FAM168A: variants seen among roughly 807,000 people sequenced by gnomAD.
The protein encoded by FAM168A is protein FAM168A.
FAM168A carries 3 observed loss-of-function variants against 28.5 expected under a neutral mutation model. The observed-to-expected ratio is 0.11, with a 90% CI of 0.05 to 0.27. The LOEUF (loss-of-function observed/expected upper bound fraction) is 0.27, where lower values mean the gene tolerates loss of function less well. Ranked by LOEUF, FAM168A falls within the 10% of genes least tolerant of loss-of-function variation. The pLI is 1.00. For synonymous variants in FAM168A, 122 were observed against 124.2 expected (o/e 0.98, Z 0.12); for missense variants, 222 against 311.5 (o/e 0.71, Z 2.16).
chr11:73,425,896 T>A lies in FAM168A; in HGVS notation c.151+4794A>T, dbSNP rs148680109. ...ACTTTGGGCAACTTATTTAACCTGTTTGAACAAAGTTGGAGGCAAGAAGCC... is the reference window on the plus strand; with the variant it reads ...ACTTTGGGCAACTTATTTAACCTGTATGAACAAAGTTGGAGGCAAGAAGCC... On this transcript the variant is annotated intron_variant, in intron 3 of 7. Coordinates refer to ENST00000356467, the MANE Select transcript of FAM168A (RefSeq NM_015159.3). 6.9e-3 allele frequency among the ~76,000 whole-genome samples: 1,054 copies of A among 152,340 alleles called. 11 individuals are homozygous for A. The highest frequency in any genetic ancestry group is 0.022 in the African/African-American group (922 of 41,578).
At chr11:73,433,076 CTTTTTTTTTTTTTT>C (rs34994742) in intron 2 of FAM168A, among the ~76,000 whole-genome samples, 2 of 80,592 alleles carry the variant, frequency 2.5e-5, no homozygotes, top group East Asian at 2.7e-4. Context: ...CACGCCCCGC[CTTTTTTTTTTTTTT>C]TTTTTTTTTT....
chr11:73,583,720 G>C (rs150662807), intron 1 of FAM168A, among the ~76,000 whole-genome samples: 1 of 152,310 alleles, frequency 6.6e-6, no homozygotes, highest in Non-Finnish European at 1.5e-5. Flanking sequence ...TGAGAAAAGA[G>C]GCACTGCACA....
chr11:73,424,909 G>T, intron 3 of FAM168A: 1 of 841,740 alleles, frequency 1.2e-6, no homozygotes, highest in Non-Finnish European at 1.8e-6. Flanking sequence ...CACCTGGGGG[G>T]AGCCCAAGCC....
chr11:73,553,579 T>C (rs1019008964), intron 1 of FAM168A, among the ~76,000 whole-genome samples: 1 of 152,220 alleles, frequency 6.6e-6, no homozygotes, highest in African/African-American at 2.4e-5. Context: ...GTAAAGAGCA[T>C]GACTACTCAC....
chr11:73,574,564 G>A (rs768820473), intron 1 of FAM168A, among the ~76,000 whole-genome samples: 3 of 151,890 alleles, frequency 2.0e-5, no homozygotes, highest in Non-Finnish European at 4.4e-5. Flanking sequence ...ACTTGAAGTT[G>A]GCCATCTTTT....
At chr11:73,492,846 C>G (rs1854779453) in intron 1 of FAM168A, among the ~76,000 whole-genome samples, 1 of 152,050 alleles carries the variant, frequency 6.6e-6, no homozygotes, top group South Asian at 2.1e-4. Flanking sequence ...TAAAAAGGAA[C>G]AAAATCCTGT....
chr11:73,544,874 T>G (rs1943712843), intron 1 of FAM168A, among the ~76,000 whole-genome samples: 1 of 96,368 alleles, frequency 1.0e-5, no homozygotes, highest in African/African-American at 4.7e-5. Context: ...TATAATTATA[T>G]ATATTATATA....
chr11:73,504,686 A>G (rs539641050), intron 1 of FAM168A, among the ~76,000 whole-genome samples: 1 of 152,320 alleles, frequency 6.6e-6, no homozygotes, highest in East Asian at 1.9e-4. Context: ...TCATTCTACT[A>G]TAAAGACACA....
At chr11:73,553,172 T>C (rs1468183784) in intron 1 of FAM168A, among the ~76,000 whole-genome samples, 5 of 152,272 alleles carry the variant, frequency 3.3e-5, no homozygotes, top group Admixed American at 6.5e-5. Context: ...GTCAGCCAGG[T>C]AGAGCAGGAA....
chr11:73,416,224 A>G (rs1168572976), intron 4 of FAM168A, among the ~76,000 whole-genome samples: 1 of 152,244 alleles, frequency 6.6e-6, no homozygotes, highest in Non-Finnish European at 1.5e-5. Flanking sequence ...TTTAGAATCA[A>G]ATGGGATAAT....
chr11:73,422,235 C>T (rs766784717), intron 3 of FAM168A, among the ~76,000 whole-genome samples: 16 of 152,128 alleles, frequency 1.1e-4, no homozygotes, highest in Non-Finnish European at 1.5e-4. Context: ...GAAGCAAGTG[C>T]GACTGTGCCT....
intron 1 of FAM168A, among the ~76,000 whole-genome samples, chr11:73,570,792 C>A (rs1399714843): frequency 6.6e-6 from 1 of 150,500 alleles, no homozygotes; most frequent in African/African-American, 2.4e-5. Context: ...CATAAAAATA[C>A]CTTACAAAGA....
chr11:73,469,685 T>C (rs1312710992), intron 1 of FAM168A, among the ~76,000 whole-genome samples: 1 of 152,156 alleles, frequency 6.6e-6, no homozygotes, highest in East Asian at 1.9e-4. Context: ...GGCAACGAGC[T>C]AGATAAAATT....
At chr11:73,549,159 C>T (rs1943795712) in intron 1 of FAM168A, among the ~76,000 whole-genome samples, 1 of 152,104 alleles carries the variant, frequency 6.6e-6, no homozygotes, top group Admixed American at 6.5e-5. Context: ...CCAAAGTGGT[C>T]TCGAACTCCT....
At position 73,473,663 on chromosome 11, in the gene FAM168A, G is replaced by A. The variant is rs1196039051; in HGVS notation, c.-18-5171C>T. Among the ~76,000 whole-genome samples the A allele has an allele frequency of 4.6e-5, 7 of 152,162 alleles. No homozygotes were observed. In the East Asian group the frequency reaches 1.4e-3, roughly 29 times the overall value. ...TGCACTTGCTTTTTCCCCACACCTA[G>A]AATGCCCTTTTCCCCAGATATCCAA... On this transcript the variant is annotated intron_variant, in intron 1 of 7. Transcript: ENST00000356467.
chr11:73,448,597 T>C (rs938582112), intron 2 of FAM168A, among the ~76,000 whole-genome samples: 1 of 152,226 alleles, frequency 6.6e-6, no homozygotes, highest in Non-Finnish European at 1.5e-5. Context: ...CTTTCCCAGC[T>C]TTCCTAGCAC....
chr11:73,524,028 A>G (rs1034587324), intron 1 of FAM168A, among the ~76,000 whole-genome samples: 1 of 151,552 alleles, frequency 6.6e-6, no homozygotes, highest in African/African-American at 2.4e-5. Context: ...CCCGGCCCCT[A>G]CTCTCATAAT....
At chr11:73,585,705 C>G (rs1321587397) in intron 1 of FAM168A, among the ~76,000 whole-genome samples, 1 of 151,454 alleles carries the variant, frequency 6.6e-6, no homozygotes, top group Non-Finnish European at 1.5e-5. Flanking sequence ...CCACCACTAC[C>G]AAAAATACAA....
intron 1 of FAM168A, among the ~76,000 whole-genome samples, chr11:73,477,962 T>TAGATAGATAGATAGATAGAC (rs1555025458): frequency 1.4e-5 from 2 of 145,426 alleles, no homozygotes; most frequent in Admixed American, 7.0e-5. Flanking sequence ...GATAGATAGA[T>TAGATAGATAGATAGATAGAC]AGATAGATAA....
Sources: allele counts gnomAD v4.1 joint callset (sites outside exome capture counted in the v4.1 genomes callset), GRCh38; gene constraint gnomAD v4.1.1; transcripts MANE v1.5; gene names NCBI Gene and HGNC (gene_info 2026-07-23, HGNC 2026-07-21).